Variants in MAP2K6 observed in about 807,000 individuals in gnomAD.
MAP2K6 encodes the protein mitogen-activated protein kinase kinase 6, also known as dual specificity mitogen-activated protein kinase kinase 6.
MAP2K6 carries 16 observed loss-of-function variants against 53.7 expected under a neutral mutation model. The ratio of observed to expected loss-of-function variants is 0.30; its 90% CI spans 0.20 to 0.45. MAP2K6 has a LOEUF of 0.45. Ranked by LOEUF, MAP2K6 falls within the 20% of genes least tolerant of loss-of-function variation. MAP2K6 has a pLI of 1.00. For synonymous variants in MAP2K6, 132 were observed against 143.1 expected, an observed-to-expected ratio of 0.92 and a Z score of 0.55; for missense variants, 204 against 411.9, an observed-to-expected ratio of 0.50 and a Z score of 4.37.
intron 2 of MAP2K6, among the ~76,000 whole-genome samples, chr17:69,511,693 T>G (rs1379855273): frequency 6.6e-6 from 1 of 152,208 alleles, no homozygotes; most frequent in East Asian, 1.9e-4. Context: ...TGAGCATAGC[T>G]TCATGGGTAA....
At chr17:69,461,888 G>A (rs1318573574) in intron 1 of MAP2K6, among the ~76,000 whole-genome samples, 1 of 152,218 alleles carries the variant, frequency 6.6e-6, no homozygotes, top group African/African-American at 2.4e-5. Flanking sequence ...AGCTGCAGCT[G>A]TGTGCCACTC....
At chr17:69,487,415 G>A (rs1034508039) in intron 1 of MAP2K6, among the ~76,000 whole-genome samples, 6 of 152,154 alleles carry the variant, frequency 3.9e-5, no homozygotes, top group Non-Finnish European at 8.8e-5. Flanking sequence ...TAACACATAC[G>A]CAATAAATTC....
chr17:69,455,631 C>G (rs752540461), intron 1 of MAP2K6, among the ~76,000 whole-genome samples: 48 of 152,110 alleles, frequency 3.2e-4, no homozygotes, highest in Non-Finnish European at 5.4e-4. Flanking sequence ...TAGGGATTAG[C>G]AAACTTTTTC....
rs185972012 is a variant in MAP2K6 at position 69,502,142 on chromosome 17, G to A, written c.17-3638G>A. Reference sequence around the variant, plus strand: ...AAGTCTGGTTAATGATTAATGTCACGCCTGGGTGTCCACATAGACCCACTT... The same window carrying A: ...AAGTCTGGTTAATGATTAATGTCACACCTGGGTGTCCACATAGACCCACTT... On this transcript the variant is annotated intron_variant, in intron 1 of 11. Transcript: ENST00000590474. The A allele has an allele frequency of 3.9e-5, 38 of 984,602 alleles. No individual in the cohort carries two copies. In the Admixed American group the frequency reaches 4.3e-4, roughly 11 times the overall value. The allele number at this position is 984,602 out of a possible 1,614,324, so 61.0% of individuals were successfully genotyped here. A position where few individuals can be genotyped will look rare whatever the true frequency, so the allele number is the denominator to read the frequency against.
intron 1 of MAP2K6, among the ~76,000 whole-genome samples, chr17:69,456,243 C>T (rs1907407731): frequency 6.6e-6 from 1 of 152,168 alleles, no homozygotes; most frequent in African/African-American, 2.4e-5. Flanking sequence ...TTCTAGGAAC[C>T]TGGCTGTGGC....
intron 1 of MAP2K6, chr17:69,501,700 C>T (rs894733994): frequency 6.6e-6 from 1 of 152,174 alleles, no homozygotes; most frequent in African/African-American, 2.4e-5. Flanking sequence ...GAGGCTTACC[C>T]TTTGCAGACT....
chr17:69,465,965 CA>C (rs1392974902), intron 1 of MAP2K6, among the ~76,000 whole-genome samples: 2 of 150,470 alleles, frequency 1.3e-5, no homozygotes, highest in Non-Finnish European at 3.0e-5. Context: ...CCTTTTCCTC[CA>C]CTTCTTAGAA....
intron 2 of MAP2K6, among the ~76,000 whole-genome samples, chr17:69,506,259 T>G (rs1373323112): frequency 6.6e-6 from 1 of 151,516 alleles, no homozygotes; most frequent in Non-Finnish European, 1.5e-5. Flanking sequence ...ACACTTAAAT[T>G]CTGTCCCATA....
At chr17:69,533,857 G>A (rs1911218170) in intron 10 of MAP2K6, among the ~76,000 whole-genome samples, 3 of 150,686 alleles carry the variant, frequency 2.0e-5, no homozygotes, top group African/African-American at 7.3e-5. Context: ...AAACACTTTT[G>A]CTTCCTGGGG....
At chr17:69,533,199 A>C (rs1055836913) in intron 10 of MAP2K6, among the ~76,000 whole-genome samples, 7 of 152,254 alleles carry the variant, frequency 4.6e-5, no homozygotes, top group Middle Eastern at 3.4e-3. Context: ...TCACCCTCAC[A>C]AAGTGTTGGG....
At chr17:69,458,816 G>A (rs868774913) in intron 1 of MAP2K6, among the ~76,000 whole-genome samples, 1 of 152,142 alleles carries the variant, frequency 6.6e-6, no homozygotes. Context: ...AGTTCATGGT[G>A]TGTCGCCCCT....
rs138480764 is a variant in MAP2K6, at chr17:69,443,012, T to G, written c.16+28012T>G. Among the ~76,000 whole-genome samples the G allele has an allele frequency of 3.7e-3, 556 of 152,298 alleles. 4 individuals carry two copies. Among genetic ancestry groups the G allele is most frequent in the Middle Eastern group, 0.02 (6 of 294 alleles). ...TCAGTCCCAAACCCCAGAATTTTCC[T>G]GCTTGATTTTCCAAGGTGTTTTATT... is the stretch of plus-strand genomic sequence containing the variant. On this transcript the variant is annotated intron_variant, in intron 1 of 11. Coordinates refer to ENST00000590474, the MANE Select transcript of MAP2K6 (RefSeq NM_002758.4).
chr17:69,519,448 A>G lies in MAP2K6; in HGVS notation c.366+16A>G, dbSNP rs761636504. 3.7e-6 allele frequency: 6 copies of G among 1,613,886 alleles called. No homozygotes were observed. The African/African-American group carries it at 8.0e-5, about 22-fold the overall frequency. ...GTTTCGGGAGGTAGGTGACCCTTCA[A>G]TTCAAAGTCCAAGAGGAACAATAAC... On this transcript the variant is annotated intron_variant, in intron 5 of 11. Coordinates refer to ENST00000590474, the MANE Select transcript of MAP2K6 (RefSeq NM_002758.4).
At chr17:69,511,219 A>G (rs1909790692) in intron 2 of MAP2K6, among the ~76,000 whole-genome samples, 1 of 152,188 alleles carries the variant, frequency 6.6e-6, no homozygotes, top group Non-Finnish European at 1.5e-5. Context: ...CACTGTGTGA[A>G]GCAAAAAGTA....
chr17:69,517,944 A>C (rs981052357), intron 4 of MAP2K6, among the ~76,000 whole-genome samples: 1 of 152,162 alleles, frequency 6.6e-6, no homozygotes, highest in African/African-American at 2.4e-5. Flanking sequence ...TAATCCTAGC[A>C]GTTTGGGAGG....
At chr17:69,506,138 C>T (rs1358169425) in intron 2 of MAP2K6, among the ~76,000 whole-genome samples, 1 of 152,200 alleles carries the variant, frequency 6.6e-6, no homozygotes, top group East Asian at 1.9e-4. Context: ...ATGTGAACTT[C>T]CTTGCCTTTT....
At chr17:69,430,544 A>T (rs999339767) in intron 1 of MAP2K6, among the ~76,000 whole-genome samples, 1 of 152,216 alleles carries the variant, frequency 6.6e-6, no homozygotes, top group Non-Finnish European at 1.5e-5. Flanking sequence ...TTATGTGAAG[A>T]TGCACTCATA....
At chr17:69,480,053 A>G (rs1361948232) in intron 1 of MAP2K6, among the ~76,000 whole-genome samples, 1 of 152,162 alleles carries the variant, frequency 6.6e-6, no homozygotes, top group Non-Finnish European at 1.5e-5. Context: ...AGGGATTTGG[A>G]GAATTAATCT....
chr17:69,432,864 G>C (rs941384562), intron 1 of MAP2K6, among the ~76,000 whole-genome samples: 1 of 150,076 alleles, frequency 6.7e-6, no homozygotes, highest in Non-Finnish European at 1.5e-5. Context: ...CCTTGGATTT[G>C]CTTATATTCT....
Sources: allele counts gnomAD v4.1 joint callset (sites outside exome capture counted in the v4.1 genomes callset), GRCh38; gene constraint gnomAD v4.1.1; transcripts MANE v1.5; gene names NCBI Gene and HGNC (gene_info 2026-07-23, HGNC 2026-07-21).